The following PCDHGB7 variants were observed in gnomAD, a reference collection of about 807,000 sequenced individuals.
PCDHGB7 encodes protocadherin gamma subfamily B, 7.
Under a neutral mutation model 61.4 loss-of-function variants are expected in PCDHGB7, and 37 were observed. The ratio of observed to expected loss-of-function variants is 0.60; its 90% CI spans 0.46 to 0.79. The LOEUF is 0.79. Among genes scored for constraint, PCDHGB7 ranks in the 30% least tolerant of loss-of-function variants. The pLI is 0.00. For missense variants in PCDHGB7, 1,166 were observed against 1,202.5 expected (o/e 0.97, Z 0.45); for synonymous variants, 464 against 503.5 (o/e 0.92, Z 1.05).
intron 1 of PCDHGB7, among the ~76,000 whole-genome samples, chr5:141,446,473 G>C (rs558209769): frequency 2.0e-4 from 29 of 148,138 alleles, no homozygotes; most frequent in Non-Finnish European, 1.5e-4. Context: ...TAGACATATG[G>C]TCATCATTCT....
chr5:141,474,967 T>G (rs745581213), intron 1 of PCDHGB7, among the ~76,000 whole-genome samples: 6 of 152,252 alleles, frequency 3.9e-5, no homozygotes, highest in Non-Finnish European at 7.3e-5. Context: ...TCCTAATCAT[T>G]ATAATTTTGT....
chr5:141,431,511 T>G lies in PCDHGB7; in HGVS notation c.2415+11237T>G, dbSNP rs1234369765. 6.2e-7 allele frequency: 1 copy of G among 1,614,018 alleles called. No individual in the cohort carries two copies. On this transcript the variant is annotated intron_variant, in intron 1 of 3. Transcript: ENST00000398594. The surrounding 1 kb of genome is among the most constrained non-coding windows in gnomAD (Gnocchi z 4.8). ...GCTCAGCCCGAGTACCGCGCGAGCGTTCCGGAGAATCTGGCCTTGGGCACG... is the reference window on the plus strand; with the variant it reads ...GCTCAGCCCGAGTACCGCGCGAGCGGTCCGGAGAATCTGGCCTTGGGCACG...
At position 141,487,934 on chromosome 5, in the gene PCDHGB7, C is replaced by G; in HGVS notation, c.2416-6873C>G. 4.9e-6 allele frequency: 3 copies of G among 607,674 alleles called. No individual in the cohort carries two copies. Among genetic ancestry groups the G allele is most frequent in the Non-Finnish European group, 5.8e-6 (2 of 347,576 alleles). The allele number at this position is 607,674 out of a possible 1,614,324, so 37.6% of individuals were successfully genotyped here. A position where few individuals can be genotyped will look rare whatever the true frequency, so the allele number is the denominator to read the frequency against. On this transcript the variant is annotated intron_variant, in intron 1 of 3. Transcript: ENST00000398594. The surrounding 1 kb of genome is among the most constrained non-coding windows in gnomAD (Gnocchi z 5.0). ...ACAGGAGGCTACAGTGCACAGGGTA[C>G]AGTGCACCAGGCAGTCACTTGGACA... is the stretch of plus-strand genomic sequence containing the variant.
At chr5:141,475,448 G>A (rs774710049) in intron 1 of PCDHGB7, among the ~76,000 whole-genome samples, 1 of 152,214 alleles carries the variant, frequency 6.6e-6, no homozygotes, top group Non-Finnish European at 1.5e-5. Flanking sequence ...CAGATAATGA[G>A]GAAGTGACAG....
chr5:141,495,973 A>C (rs2099764953), intron 2 of PCDHGB7, among the ~76,000 whole-genome samples: 1 of 146,988 alleles, frequency 6.8e-6, no homozygotes, highest in African/African-American at 2.5e-5. Context: ...TTTCTCTGTT[A>C]CTCTTTCTTT....
At position 141,486,169 on chromosome 5, in the gene PCDHGB7, A is replaced by G. The variant is rs2099625537; in HGVS notation, c.2416-8638A>G. The G allele has an allele frequency of 1.2e-6, 2 of 1,614,088 alleles. No individual in the cohort carries two copies. Among genetic ancestry groups the G allele is most frequent in the East Asian group, 2.2e-5 (1 of 44,890 alleles). On this transcript the variant is annotated intron_variant, in intron 1 of 3. Transcript: ENST00000398594. The surrounding 1 kb of genome is among the most constrained non-coding windows in gnomAD (Gnocchi z 5.0). ...ATGGGGGTTCTCCAGCCATGGAGCA[A>G]CATTGCAGCCTTCGAGTGGATCTGC...
intron 1 of PCDHGB7, among the ~76,000 whole-genome samples, chr5:141,455,243 A>G (rs945218710): frequency 1.3e-5 from 2 of 152,146 alleles, no homozygotes; most frequent in Non-Finnish European, 2.9e-5. Flanking sequence ...GTTAAAGGTC[A>G]TAGTACAATC....
In PCDHGB7 at chr5:141,419,396, G is replaced by A. The variant is rs772000806; in HGVS notation, c.1537G>A (p.Val513Met). ...SYVSVSAQSG[V>M]VFAQRAFDHE... ...CGTGTCCGTGAGCGCGCAGAGCGGG[G>A]TGGTGTTCGCGCAGCGCGCCTTCGA... Residue 513 changes from valine (V) to methionine (M), a missense_variant, in exon 1 of 4, where the codon GTG becomes ATG. By Grantham distance (21) the Val-to-Met change is conservative. Transcript: ENST00000398594. 3.7e-6 allele frequency: 6 copies of A among 1,613,600 alleles called. No homozygotes were observed. The highest frequency in any genetic ancestry group is 1.7e-5 in the Admixed American group (1 of 60,030).
chr5:141,438,319 T>C (rs934592523), intron 1 of PCDHGB7, among the ~76,000 whole-genome samples: 1 of 151,982 alleles, frequency 6.6e-6, no homozygotes, highest in African/African-American at 2.4e-5. Flanking sequence ...CACCATAATT[T>C]TTCTTATACA....
chr5:141,434,820 G>A (rs953824837), intron 1 of PCDHGB7, among the ~76,000 whole-genome samples: 1 of 151,302 alleles, frequency 6.6e-6, no homozygotes, highest in Admixed American at 6.6e-5. Flanking sequence ...ATATCCCTTA[G>A]TACACTTGGC....
rs150692324 is a variant in PCDHGB7 at position 141,431,149 on chromosome 5, G to T, written c.2415+10875G>T. 1.2e-6 allele frequency: 2 copies of T among 1,614,210 alleles called. No homozygotes were observed. Among genetic ancestry groups the T allele is most frequent in the Non-Finnish European group, 1.7e-6 (2 of 1,180,020 alleles). ...AAGTAAGGGACATTAACGACAATGC[G>T]CCTTACTTTCGTGAAAGTGAATTAG... On this transcript the variant is annotated intron_variant, in intron 1 of 3. Coordinates refer to ENST00000398594, the MANE Select transcript of PCDHGB7 (RefSeq NM_018927.4). This position sits in a 1 kb window ranked among gnomAD's most constrained non-coding sequence, Gnocchi z 4.8.
chr5:141,432,706 C>T lies in PCDHGB7; in HGVS notation c.2415+12432C>T, dbSNP rs761752571. ...GCCTCGTAGTGGCCGTCCAGGACCA[C>T]GGCCAGCCCCCTCTCTCCGCCACTG... On this transcript the variant is annotated intron_variant, in intron 1 of 3. Transcript: ENST00000398594. The surrounding 1 kb of genome is among the most constrained non-coding windows in gnomAD (Gnocchi z 6.0). 10 of 1,613,870 alleles carry T rather than the reference C, an allele frequency of 6.2e-6. No homozygotes were observed. The East Asian group carries it at 1.1e-4, about 18-fold the overall frequency.
At chr5:141,509,117 G>A (rs1271574654) in intron 3 of PCDHGB7, among the ~76,000 whole-genome samples, 1 of 152,150 alleles carries the variant, frequency 6.6e-6, no homozygotes, top group Admixed American at 6.5e-5. Flanking sequence ...GCGCTGGTGC[G>A]TGAAGAGAAA....
intron 1 of PCDHGB7, chr5:141,440,723 T>C (rs2098196558): frequency 6.6e-6 from 1 of 152,178 alleles, no homozygotes; most frequent in Non-Finnish European, 1.5e-5. Flanking sequence ...GTTGATCCTG[T>C]GTTAGAGAAG....
intron 1 of PCDHGB7, among the ~76,000 whole-genome samples, chr5:141,458,513 G>T (rs968604511): frequency 6.8e-6 from 1 of 146,128 alleles, no homozygotes; most frequent in Non-Finnish European, 1.5e-5. Flanking sequence ...TTGACACTTT[G>T]TTTTTTTTTT....
At chr5:141,423,120 G>A in intron 1 of PCDHGB7, 1 of 1,613,800 alleles carries the variant, frequency 6.2e-7, no homozygotes. Flanking sequence ...GTACAGCGCG[G>A]GCACTGCTGG....
intron 3 of PCDHGB7, 134 bp downstream of exon 3, chr5:141,505,615 C>T: frequency 2.0e-6 from 3 of 1,504,946 alleles, no homozygotes; most frequent in Non-Finnish European, 1.8e-6. Flanking sequence ...TCTGAAAGGA[C>T]CCACAATTCC....
intron 2 of PCDHGB7, among the ~76,000 whole-genome samples, chr5:141,503,985 T>C (rs1277024188): frequency 6.6e-6 from 1 of 152,150 alleles, no homozygotes; most frequent in African/African-American, 2.4e-5. Flanking sequence ...ACCCTTCTTC[T>C]TACCTTACAG....
rs2099631185 is a variant in PCDHGB7, at chr5:141,486,568, T to C, written c.2416-8239T>C. Reference sequence around the variant, plus strand: ...AGAGGTCACATGAGGTGTTTGTTCCTGAGAACAATCGCCCAGGGGACCTGC... The same window carrying C: ...AGAGGTCACATGAGGTGTTTGTTCCCGAGAACAATCGCCCAGGGGACCTGC... On this transcript the variant is annotated intron_variant, in intron 1 of 3. Coordinates refer to ENST00000398594, the MANE Select transcript of PCDHGB7 (RefSeq NM_018927.4). The surrounding 1 kb of genome is among the most constrained non-coding windows in gnomAD (Gnocchi z 5.0). 1.9e-6 allele frequency: 3 copies of C among 1,613,862 alleles called. No homozygotes were observed. The South Asian group carries it at 3.3e-5, about 18-fold the overall frequency.
Sources: gnomAD v4.1 joint callset for allele counts (sites outside exome capture counted in the v4.1 genomes callset) on GRCh38, gnomAD v4.1.1 for gene constraint, Gnocchi (gnomAD v3.1) non-coding constraint, MANE v1.5 for transcripts, NCBI Gene and HGNC (gene_info 2026-07-23, HGNC 2026-07-21) for gene names.